Variants in FMNL3 observed in about 807,000 individuals in gnomAD.
FMNL3 encodes the protein formin like 3.
FMNL3 carries 57 observed loss-of-function variants against 119.6 expected under a neutral mutation model. That is an observed-to-expected ratio of 0.48 (90% CI 0.39 to 0.59). The LOEUF is 0.59. FMNL3 is among the 20% of genes least tolerant of loss of function. FMNL3 has a pLI of 0.00. For synonymous variants in FMNL3, 491 were observed against 507.3 expected, an observed-to-expected ratio of 0.97 and a Z score of 0.43; for missense variants, 1,053 against 1,323.5, an observed-to-expected ratio of 0.80 and a Z score of 3.17.
chr12:49,705,279 C>A (rs1169780279), intron 1 of FMNL3, among the ~76,000 whole-genome samples: 2 of 152,168 alleles, frequency 1.3e-5, no homozygotes, highest in African/African-American at 4.8e-5. Flanking sequence ...GTGGTCCAGT[C>A]CCCCATTTGA....
At position 49,691,757 on chromosome 12, in the gene FMNL3, G is replaced by A. The variant is rs536495198; in HGVS notation, c.126+15298C>T. 3.3e-5 allele frequency among the ~76,000 whole-genome samples: 5 copies of A among 152,176 alleles called. No homozygotes were observed. The East Asian group carries it at 9.7e-4, about 29-fold the overall frequency. On this transcript the variant is annotated intron_variant, in intron 1 of 25. Transcript: ENST00000335154. ...CCCCATTAAAAGTTGGGTCTGGCCA[G>A]GTGCGGTGGCTCACGCCTATAATCC...
Position 49,636,509 on chromosome 12 carries a change from C to A in FMNL3, c.*9306G>T. ...TGAATTCACAAGAGCTGAATACTTG[C>A]TTATTTATTCTTATACAATTAATGA... On this transcript the variant is annotated 3_prime_UTR_variant, in exon 26 of 26. Transcript: ENST00000335154. The A allele has an allele frequency of 1.8e-6, 1 of 554,244 alleles. No homozygotes were observed. The highest frequency in any genetic ancestry group is 3.2e-6 in the Non-Finnish European group (1 of 316,814). 34.3% of individuals were successfully genotyped at this position (554,244 alleles called of 1,614,324 possible).
intron 1 of FMNL3, among the ~76,000 whole-genome samples, chr12:49,700,790 T>C (rs1411135728): frequency 1.4e-5 from 2 of 145,052 alleles, no homozygotes; most frequent in African/African-American, 2.6e-5. Context: ...AATGAAATCA[T>C]GATACTGGGC....
At chr12:49,655,495 T>C (rs1592649380) in intron 9 of FMNL3, among the ~76,000 whole-genome samples, 1 of 152,204 alleles carries the variant, frequency 6.6e-6, no homozygotes, top group East Asian at 1.9e-4. Flanking sequence ...CCCCACCAAA[T>C]TGCTGAGGGA....
intron 1 of FMNL3, among the ~76,000 whole-genome samples, chr12:49,675,437 C>A (rs368201618): frequency 7.9e-5 from 12 of 152,338 alleles, no homozygotes; most frequent in African/African-American, 2.9e-4. Flanking sequence ...CTGCAGCCAA[C>A]CAACGACCTC....
chr12:49,670,960 G>A (rs1272035220), intron 1 of FMNL3, among the ~76,000 whole-genome samples: 6 of 152,346 alleles, frequency 3.9e-5, no homozygotes, highest in South Asian at 4.1e-4. Context: ...CCCTGGCTCT[G>A]TGCATATCCT....
At chr12:49,695,275 T>C (rs1018222112) in intron 1 of FMNL3, among the ~76,000 whole-genome samples, 5 of 152,158 alleles carry the variant, frequency 3.3e-5, no homozygotes, top group Admixed American at 3.3e-4. Flanking sequence ...GGTAACTAAC[T>C]AGTGTTATCG....
In FMNL3 at chr12:49,647,808, G is replaced by A. The variant is rs1340741185; in HGVS notation, c.2677-4C>T. The A allele has an allele frequency of 1.9e-6, 3 of 1,611,526 alleles. No individual in the cohort carries two copies. Among genetic ancestry groups the A allele is most frequent in the Admixed American group, 3.3e-5 (2 of 60,006 alleles). On this transcript the variant is annotated splice_polypyrimidine_tract_variant and splice_region_variant and intron_variant, in intron 22 of 25. Transcript: ENST00000335154. This position sits in a 1 kb window ranked among gnomAD's most constrained non-coding sequence, Gnocchi z 4.9. ...GCACAACTGCATTGTAGGCCTCCTG[G>A]GGAAGGGGTGGGCAGAATGGGTCAC...
At chr12:49,681,793 A>G (rs1459025335) in intron 1 of FMNL3, among the ~76,000 whole-genome samples, 2 of 149,426 alleles carry the variant, frequency 1.3e-5, no homozygotes, top group Non-Finnish European at 3.0e-5. Context: ...CCTGACCTCA[A>G]GCAATCTTCC....
intron 7 of FMNL3, 25 bp downstream of exon 7, chr12:49,657,057 C>T: frequency 2.5e-6 from 4 of 1,605,136 alleles, no homozygotes; most frequent in Admixed American, 1.7e-5. Context: ...AAGTAGAGCA[C>T]CTATGGCTAG....
intron 3 of FMNL3, 60 bp downstream of exon 3, chr12:49,666,067 C>T: frequency 6.4e-7 from 1 of 1,568,040 alleles, no homozygotes; most frequent in Admixed American, 1.7e-5. Context: ...AGGGTTTGCC[C>T]CCAAACCCCA....
At chr12:49,675,758 T>A (rs1944168708) in intron 1 of FMNL3, among the ~76,000 whole-genome samples, 1 of 152,190 alleles carries the variant, frequency 6.6e-6, no homozygotes, top group Admixed American at 6.5e-5. Flanking sequence ...ATAAGATAAA[T>A]CATGTTTCTC....
chr12:49,693,397 T>G (rs1944659929), intron 1 of FMNL3, among the ~76,000 whole-genome samples: 1 of 151,860 alleles, frequency 6.6e-6, no homozygotes, highest in African/African-American at 2.4e-5. Flanking sequence ...GTTTTTTTTT[T>G]GAGATAGTCT....
chr12:49,653,682 T>C lies in FMNL3; in HGVS notation c.1221+43A>G, dbSNP rs188657968. On this transcript the variant is annotated intron_variant, in intron 12 of 25. Coordinates refer to ENST00000335154, the MANE Select transcript of FMNL3 (RefSeq NM_175736.5). ...GCTCAGGATTCCTGGTTACTTGAGCTTCCATCAACAGTGGCTCTGGCAGGC... is the reference window on the plus strand; with the variant it reads ...GCTCAGGATTCCTGGTTACTTGAGCCTCCATCAACAGTGGCTCTGGCAGGC... The C allele has an allele frequency of 1.2e-5, 20 of 1,610,326 alleles. No homozygotes were observed. In the African/African-American group the frequency reaches 2.1e-4, roughly 17 times the overall value.
At chr12:49,663,743 G>C (rs539863878) in intron 4 of FMNL3, among the ~76,000 whole-genome samples, 1 of 152,370 alleles carries the variant, frequency 6.6e-6, no homozygotes, top group East Asian at 1.9e-4. Context: ...GCACCAGGTA[G>C]AGGGGGCAGG....
chr12:49,680,477 G>T (rs1408980400), intron 1 of FMNL3, among the ~76,000 whole-genome samples: 2 of 152,178 alleles, frequency 1.3e-5, no homozygotes, highest in Non-Finnish European at 2.9e-5. Context: ...AATAACCTCA[G>T]TCTGCTCTAG....
At chr12:49,674,092 C>T (rs1316150687) in intron 1 of FMNL3, among the ~76,000 whole-genome samples, 1 of 152,192 alleles carries the variant, frequency 6.6e-6, no homozygotes, top group African/African-American at 2.4e-5. Flanking sequence ...AGACCAAGGC[C>T]AAGCCTGGCT....
At chr12:49,684,351 C>CT (rs1396355891) in intron 1 of FMNL3, among the ~76,000 whole-genome samples, 1 of 152,190 alleles carries the variant, frequency 6.6e-6, no homozygotes, top group African/African-American at 2.4e-5. Flanking sequence ...AAATAAGGCT[C>CT]TCTCTGCCCT....
chr12:49,698,159 T>A (rs1279400288), intron 1 of FMNL3, among the ~76,000 whole-genome samples: 1 of 152,126 alleles, frequency 6.6e-6, no homozygotes, highest in Non-Finnish European at 1.5e-5. Flanking sequence ...CATTCTGAAT[T>A]TGAGTAGAAA....
Sources: gnomAD v4.1 joint callset for allele counts (sites outside exome capture counted in the v4.1 genomes callset) on GRCh38, gnomAD v4.1.1 for gene constraint, Gnocchi (gnomAD v3.1) non-coding constraint, MANE v1.5 for transcripts, NCBI Gene and HGNC (gene_info 2026-07-23, HGNC 2026-07-21) for gene names.